PTGER3: variants seen among roughly 807,000 people sequenced by gnomAD.
PTGER3 encodes the protein prostaglandin E receptor 3, also known as prostaglandin E2 receptor EP3 subtype.
A neutral mutation model predicts 34.7 loss-of-function variants in PTGER3; 22 were observed. The ratio of observed to expected loss-of-function variants is 0.63; its 90% CI spans 0.45 to 0.91. The LOEUF (loss-of-function observed/expected upper bound fraction) is 0.91, where lower values mean the gene tolerates loss of function less well. Ranked by LOEUF, PTGER3 falls within the 40% of genes least tolerant of loss-of-function variation. The pLI, the probability that PTGER3 is intolerant of heterozygous loss-of-function variation, is 0.00. For synonymous variants in PTGER3, 241 were observed against 230.1 expected (o/e 1.05, Z -0.43); for missense variants, 468 against 519.4 (o/e 0.90, Z 0.96).
At position 71,024,645 on chromosome 1, in the gene PTGER3, CTTTTTTT is replaced by C. The variant is rs35271200; in HGVS notation, c.898-12168_898-12162del. On this transcript the variant is annotated intron_variant, in intron 1 of 3. Coordinates refer to ENST00000306666, the MANE Select transcript of PTGER3 (RefSeq NM_198719.2). ...CTACCGACATTCTATCCTTTTCTTT[CTTTTTTT>C]TTTTTTTTTTTTTTGCCTCAGCCTC... 3.8e-3 allele frequency among the ~76,000 whole-genome samples: 444 copies of C among 117,110 alleles called. 4 individuals carry two copies. Among genetic ancestry groups the C allele is most frequent in the South Asian group, 0.012 (45 of 3,718 alleles). The allele number at this position is 117,110 out of a possible 152,430, so 76.8% of individuals were successfully genotyped here. A position where few individuals can be genotyped will look rare whatever the true frequency, so the allele number is the denominator to read the frequency against.
intron 1 of PTGER3, among the ~76,000 whole-genome samples, chr1:71,040,156 A>G (rs150692111): frequency 3.3e-5 from 5 of 151,868 alleles, no homozygotes; most frequent in Non-Finnish European, 7.4e-5. Context: ...AAAAAGAAAG[A>G]AAAGAGAGAG....
At chr1:71,006,408 A>G (rs916382638) in intron 2 of PTGER3, 1 of 985,308 alleles carries the variant, frequency 1.0e-6, no homozygotes, top group African/African-American at 1.7e-5. Context: ...GGATCCCAGT[A>G]TTCATAACCA....
intron 1 of PTGER3, among the ~76,000 whole-genome samples, chr1:71,015,834 C>T (rs1006079570): frequency 2.6e-5 from 4 of 152,138 alleles, no homozygotes; most frequent in Non-Finnish European, 5.9e-5. Context: ...TCCCTTTTGT[C>T]TTATTTAGTC....
At chr1:70,951,750 T>C (rs891390784), downstream of PTGER3, among the ~76,000 whole-genome samples, 9 of 152,168 alleles carry the variant, frequency 5.9e-5, no homozygotes, top group African/African-American at 1.9e-4. Context: ...GCTTGGTAGA[T>C]TCAAGGACAG....
chr1:71,017,574 G>T (rs1235573837), intron 1 of PTGER3, among the ~76,000 whole-genome samples: 4 of 152,080 alleles, frequency 2.6e-5, no homozygotes, highest in African/African-American at 9.7e-5. Flanking sequence ...GGATCATGGG[G>T]GCAGACTTCC....
intron 1 of PTGER3, 137 bp downstream of exon 1, chr1:71,046,544 C>T: frequency 9.1e-7 from 1 of 1,095,770 alleles, no homozygotes; most frequent in East Asian, 2.7e-5. Context: ...ACCAAGACCG[C>T]GCGGGCAGGA....
intron 4 of PTGER3, among the ~76,000 whole-genome samples, chr1:70,907,168 G>A (rs1172682782): frequency 6.6e-6 from 1 of 152,212 alleles, no homozygotes; most frequent in Non-Finnish European, 1.5e-5. Context: ...AGCTTTTGCT[G>A]TTGTTTCTGT....
intron 2 of PTGER3, among the ~76,000 whole-genome samples, chr1:70,987,882 G>A (rs1167896084): frequency 6.6e-6 from 1 of 152,186 alleles, no homozygotes; most frequent in African/African-American, 2.4e-5. Context: ...TCTTTCATGT[G>A]TAAGACACTG....
intron 2 of PTGER3, among the ~76,000 whole-genome samples, chr1:70,962,674 C>G (rs192263292): frequency 6.6e-6 from 1 of 152,142 alleles, no homozygotes; most frequent in Non-Finnish European, 1.5e-5. Flanking sequence ...GAGAACAGAA[C>G]AGGAAAGACC....
chr1:70,937,758 T>C (rs1447479508), intron 4 of PTGER3, among the ~76,000 whole-genome samples: 1 of 152,190 alleles, frequency 6.6e-6, no homozygotes, highest in Non-Finnish European at 1.5e-5. Flanking sequence ...ATTTAATGGT[T>C]AATTAAATAT....
chr1:70,945,330 G>A (rs1444487052), intron 4 of PTGER3, among the ~76,000 whole-genome samples: 4 of 152,096 alleles, frequency 2.6e-5, no homozygotes, highest in Admixed American at 1.3e-4. Context: ...GAACACAGGA[G>A]ATTTTGCTCT....
chr1:70,856,014 A>G (rs1350206709), intron 4 of PTGER3, among the ~76,000 whole-genome samples: 2 of 152,094 alleles, frequency 1.3e-5, no homozygotes, highest in Non-Finnish European at 2.9e-5. Context: ...GTTTGGTAAT[A>G]TGGCCTGGAT....
downstream of PTGER3, chr1:70,951,214 C>T (rs750632557): frequency 1.3e-5 from 2 of 152,120 alleles, no homozygotes; most frequent in Admixed American, 6.6e-5. Flanking sequence ...ATTTTCCACC[C>T]ATTTTTGAAT....
chr1:71,025,233 G>C (rs1658822138), intron 1 of PTGER3, among the ~76,000 whole-genome samples: 1 of 149,498 alleles, frequency 6.7e-6, no homozygotes, highest in Non-Finnish European at 1.5e-5. Flanking sequence ...CTTCAAACTA[G>C]GTGCTAATGG....
intron 1 of PTGER3, among the ~76,000 whole-genome samples, chr1:71,031,245 AACACACACAC>A (rs56278148): frequency 0.17 from 25,580 of 149,246 alleles, 2,739 homozygotes; most frequent in East Asian, 0.44. Context: ...GTGGCAGGAA[AACACACACAC>A]ACACACACAC....
downstream of PTGER3, among the ~76,000 whole-genome samples, chr1:70,968,529 A>G (rs950462991): frequency 6.6e-6 from 1 of 152,120 alleles, no homozygotes; most frequent in Non-Finnish European, 1.5e-5. Flanking sequence ...GCTACTTGTT[A>G]AAAACCAGTG....
intron 4 of PTGER3, among the ~76,000 whole-genome samples, chr1:70,935,118 GTATC>G (rs1260768355): frequency 1.3e-5 from 2 of 152,062 alleles, no homozygotes; most frequent in East Asian, 1.9e-4. Context: ...GTGCAAGAAA[GTATC>G]TACAGGATTT....
intron 4 of PTGER3, among the ~76,000 whole-genome samples, chr1:70,901,765 A>T (rs1166455135): frequency 6.6e-6 from 1 of 152,240 alleles, no homozygotes; most frequent in Non-Finnish European, 1.5e-5. Flanking sequence ...GGTAATGTTT[A>T]GAAAATGAGA....
intron 1 of PTGER3, among the ~76,000 whole-genome samples, chr1:71,036,420 G>A (rs1174635226): frequency 5.3e-5 from 8 of 152,182 alleles, no homozygotes; most frequent in African/African-American, 1.9e-4. Context: ...CAGAGGCTGA[G>A]GCTGGAGGAT....
Sources: gnomAD v4.1 joint callset for allele counts (sites outside exome capture counted in the v4.1 genomes callset) on GRCh38, gnomAD v4.1.1 for gene constraint, MANE v1.5 for transcripts, NCBI Gene and HGNC (gene_info 2026-07-23, HGNC 2026-07-21) for gene names.